Variants in UVRAG observed in about 807,000 individuals in gnomAD.
UVRAG encodes UV radiation resistance associated, also known as UV radiation resistance-associated gene protein.
UVRAG carries 19 observed loss-of-function variants against 78.0 expected under a neutral mutation model. The ratio of observed to expected loss-of-function variants is 0.24; its 90% CI spans 0.17 to 0.36. UVRAG has a LOEUF of 0.36. Ranked by LOEUF, UVRAG falls within the 10% of genes least tolerant of loss-of-function variation. UVRAG has a pLI of 1.00. For missense variants in UVRAG, 740 were observed against 853.8 expected, an observed-to-expected ratio of 0.87 and a Z score of 1.66; for synonymous variants, 323 against 324.6, an observed-to-expected ratio of 1.00 and a Z score of 0.05.
intron 4 of UVRAG, among the ~76,000 whole-genome samples, chr11:75,881,495 C>T (rs1035211517): frequency 2.6e-5 from 4 of 152,196 alleles, no homozygotes; most frequent in African/African-American, 9.7e-5. Context: ...GCATCTATCT[C>T]AGTGAGCAGA....
intron 13 of UVRAG, among the ~76,000 whole-genome samples, chr11:76,090,475 G>A (rs1033581402): frequency 7.9e-5 from 12 of 152,100 alleles, no homozygotes; most frequent in African/African-American, 2.9e-4. Flanking sequence ...CTTCTGGCCA[G>A]AGGCTATCCT....
intron 12 of UVRAG, among the ~76,000 whole-genome samples, chr11:76,046,421 T>C (rs565202778): frequency 3.3e-4 from 50 of 152,342 alleles, no homozygotes; most frequent in African/African-American, 1.1e-3. Context: ...GAGGGAATTT[T>C]CATTGCTTCC....
At chr11:75,904,178 A>G (rs1020425575) in intron 5 of UVRAG, among the ~76,000 whole-genome samples, 1 of 152,234 alleles carries the variant, frequency 6.6e-6, no homozygotes, top group Non-Finnish European at 1.5e-5. Context: ...CTGACCACTC[A>G]TCTAGAAATA....
intron 5 of UVRAG, among the ~76,000 whole-genome samples, chr11:75,907,807 G>T (rs1442737681): frequency 6.6e-6 from 1 of 152,004 alleles, no homozygotes; most frequent in Non-Finnish European, 1.5e-5. Flanking sequence ...GGTATTACAG[G>T]TGCCTAGCCT....
intron 1 of UVRAG, among the ~76,000 whole-genome samples, chr11:75,847,503 C>G (rs1946061553): frequency 6.6e-6 from 1 of 151,990 alleles, no homozygotes; most frequent in Admixed American, 6.5e-5. Context: ...AACTCCTGGG[C>G]TCAAGTGATC....
At chr11:76,087,173 C>T (rs928416948) in intron 13 of UVRAG, among the ~76,000 whole-genome samples, 2 of 152,190 alleles carry the variant, frequency 1.3e-5, no homozygotes, top group African/African-American at 2.4e-5. Flanking sequence ...CACACACATA[C>T]ATGTGCTTGT....
chr11:76,132,725 G>C (rs527961782), intron 14 of UVRAG, among the ~76,000 whole-genome samples: 1 of 152,234 alleles, frequency 6.6e-6, no homozygotes, highest in Non-Finnish European at 1.5e-5. Context: ...ATGCCTAACA[G>C]TATAAGTCTT....
chr11:75,847,840 A>G (rs1477605440), intron 1 of UVRAG, among the ~76,000 whole-genome samples: 1 of 151,830 alleles, frequency 6.6e-6, no homozygotes, highest in African/African-American at 2.4e-5. Context: ...GTGTGGTGGT[A>G]TGCGCCTACA....
intron 2 of UVRAG, among the ~76,000 whole-genome samples, chr11:75,860,792 TC>T (rs1214191427): frequency 6.9e-6 from 1 of 145,056 alleles, no homozygotes; most frequent in African/African-American, 2.6e-5. Context: ...TCTTTTCTTT[TC>T]TTTTTTTTTT....
chr11:76,003,648 TC>T (rs1949866052), intron 8 of UVRAG, among the ~76,000 whole-genome samples: 1 of 152,234 alleles, frequency 6.6e-6, no homozygotes, highest in African/African-American at 2.4e-5. Context: ...GTAATGTTAT[TC>T]CGTAGCATTT....
At chr11:75,872,168 A>G (rs557935127) in intron 3 of UVRAG, among the ~76,000 whole-genome samples, 218 of 152,268 alleles carry the variant, frequency 1.4e-3, no homozygotes, top group Non-Finnish European at 1.9e-3. Context: ...TGAGTTTTTC[A>G]TATCCATATT....
intron 13 of UVRAG, among the ~76,000 whole-genome samples, chr11:76,103,912 A>G (rs1951927432): frequency 6.6e-6 from 1 of 152,042 alleles, no homozygotes; most frequent in South Asian, 2.1e-4. Context: ...AGATGTAACT[A>G]TTGTCAAATT....
At chr11:75,883,369 C>CAAAAAAAAA (rs561377655) in intron 4 of UVRAG, among the ~76,000 whole-genome samples, 2 of 48,272 alleles carry the variant, frequency 4.1e-5, no homozygotes, top group Admixed American at 2.5e-4. Context: ...TAACAGAGAA[C>CAAAAAAAAA]AAAAAAAAAA....
intron 6 of UVRAG, among the ~76,000 whole-genome samples, chr11:75,919,124 T>C (rs1019836906): frequency 2.6e-5 from 4 of 152,206 alleles, no homozygotes; most frequent in African/African-American, 9.6e-5. Context: ...ATCAATAGCA[T>C]AGTGTTTAGA....
At chr11:75,964,379 T>C (rs1948969572) in intron 7 of UVRAG, among the ~76,000 whole-genome samples, 1 of 152,222 alleles carries the variant, frequency 6.6e-6, no homozygotes, top group South Asian at 2.1e-4. Context: ...TGGAGGTTTT[T>C]TTGTGGGAAG....
chr11:76,014,277 A>T (rs1950106531), intron 11 of UVRAG, among the ~76,000 whole-genome samples: 1 of 152,216 alleles, frequency 6.6e-6, no homozygotes, highest in Admixed American at 6.5e-5. Context: ...CATTAGATAG[A>T]TAGTTTTGAA....
At chr11:75,880,108 T>C (rs1946903733) in intron 4 of UVRAG, 68 bp downstream of exon 4, 1 of 1,554,614 alleles carries the variant, frequency 6.4e-7, no homozygotes. Flanking sequence ...TTTCTGTTGA[T>C]TCTTCTGATT....
intron 14 of UVRAG, chr11:76,137,258 A>C (rs1363850694): frequency 2.2e-6 from 1 of 450,278 alleles, no homozygotes; most frequent in Non-Finnish European, 4.5e-6. Context: ...GGGCAGGGGC[A>C]CTGATTCAAC....
intron 8 of UVRAG, chr11:75,983,928 T>C (rs755768347): frequency 6.5e-6 from 1 of 153,978 alleles, no homozygotes; most frequent in East Asian, 1.9e-4. Flanking sequence ...CAGTACATGA[T>C]TGTATGGTGA....
Sources: allele counts gnomAD v4.1 joint callset (sites outside exome capture counted in the v4.1 genomes callset), GRCh38; gene constraint gnomAD v4.1.1; transcripts MANE v1.5; gene names NCBI Gene and HGNC (gene_info 2026-07-23, HGNC 2026-07-21).